Variants in PDE4B observed in about 807,000 individuals in gnomAD.
PDE4B encodes the protein phosphodiesterase 4B.
PDE4B carries 20 observed loss-of-function variants against 82.2 expected under a neutral mutation model. The ratio of observed to expected loss-of-function variants is 0.24; its 90% CI spans 0.17 to 0.35. The LOEUF is 0.35. Ranked by LOEUF, PDE4B falls within the 10% of genes least tolerant of loss-of-function variation. The probability of loss-of-function intolerance (pLI) is 1.00; values close to 1 mark genes in which losing one functional copy is unlikely to be tolerated. For synonymous variants in PDE4B, 320 were observed against 318.9 expected, an observed-to-expected ratio of 1.00 and a Z score of -0.04; for missense variants, 655 against 907.2, an observed-to-expected ratio of 0.72 and a Z score of 3.57.
chr1:66,078,204 T>TC, intron 3 of PDE4B, among the ~76,000 whole-genome samples: 1 of 151,706 alleles, frequency 6.6e-6, no homozygotes, highest in South Asian at 2.1e-4. Context: ...TTTCTTTCTT[T>TC]TTTTTTTTTC....
intron 3 of PDE4B, among the ~76,000 whole-genome samples, chr1:66,064,901 C>T (rs1655767764): frequency 6.6e-6 from 1 of 151,786 alleles, no homozygotes; most frequent in Non-Finnish European, 1.5e-5. Flanking sequence ...TAGTCTTTTC[C>T]CCTAAACTAT....
chr1:66,361,939 T>A, intron 10 of PDE4B, 146 bp downstream of exon 10: 1 of 603,274 alleles, frequency 1.7e-6, no homozygotes, highest in South Asian at 3.1e-5. Flanking sequence ...GACTTTACTG[T>A]GAGCAGTAAG....
chr1:65,954,596 C>T (rs530378601), intron 3 of PDE4B, among the ~76,000 whole-genome samples: 2 of 152,098 alleles, frequency 1.3e-5, no homozygotes, highest in South Asian at 4.1e-4. Flanking sequence ...TTTTCAACAC[C>T]TACAAATCAA....
intron 3 of PDE4B, among the ~76,000 whole-genome samples, chr1:66,176,070 C>T (rs1406016724): frequency 6.6e-6 from 1 of 152,074 alleles, no homozygotes; most frequent in Non-Finnish European, 1.5e-5. Flanking sequence ...TTCAGTAGAC[C>T]TAAAATTGAC....
intron 1 of PDE4B, among the ~76,000 whole-genome samples, chr1:65,858,634 G>A (rs1234886936): frequency 6.6e-6 from 1 of 152,198 alleles, no homozygotes; most frequent in Non-Finnish European, 1.5e-5. Context: ...TAATTTTATA[G>A]TTTTTTCATC....
intron 3 of PDE4B, among the ~76,000 whole-genome samples, chr1:65,946,875 G>A (rs2100560507): frequency 6.6e-6 from 1 of 152,036 alleles, no homozygotes; most frequent in Non-Finnish European, 1.5e-5. Context: ...ACATCAAAGA[G>A]GTCTGCTGAA....
At chr1:66,224,690 T>C (rs1282878189) in intron 3 of PDE4B, among the ~76,000 whole-genome samples, 1 of 152,108 alleles carries the variant, frequency 6.6e-6, no homozygotes, top group African/African-American at 2.4e-5. Context: ...TTGCACTCCA[T>C]CCTGGCAGCA....
intron 3 of PDE4B, among the ~76,000 whole-genome samples, chr1:66,153,339 T>C (rs1646439952): frequency 6.6e-6 from 1 of 152,192 alleles, no homozygotes; most frequent in South Asian, 2.1e-4. Context: ...CTTTCTGGTT[T>C]AAATATCGTC....
intron 3 of PDE4B, among the ~76,000 whole-genome samples, chr1:66,135,141 G>A (rs1646031136): frequency 6.6e-6 from 1 of 152,232 alleles, no homozygotes; most frequent in Admixed American, 6.5e-5. Context: ...GTGTGTATTG[G>A]TGGAAGCAGA....
intron 8 of PDE4B, among the ~76,000 whole-genome samples, chr1:66,351,629 G>A (rs1184538265): frequency 6.6e-6 from 1 of 152,162 alleles, no homozygotes; most frequent in East Asian, 1.9e-4. Flanking sequence ...TGTCCAAACT[G>A]TAGGAGGCAG....
At chr1:65,874,784 C>G (rs1268446184) in intron 1 of PDE4B, among the ~76,000 whole-genome samples, 1 of 151,364 alleles carries the variant, frequency 6.6e-6, no homozygotes, top group Admixed American at 6.6e-5. Context: ...ACACCTTATA[C>G]AAAAATCAAT....
intron 3 of PDE4B, among the ~76,000 whole-genome samples, chr1:66,213,724 A>T (rs934241122): frequency 6.6e-6 from 1 of 152,122 alleles, no homozygotes; most frequent in African/African-American, 2.4e-5. Flanking sequence ...GCTCTTGACC[A>T]TATATTTATT....
At chr1:66,198,973 G>C (rs1021208630) in intron 3 of PDE4B, among the ~76,000 whole-genome samples, 2 of 151,856 alleles carry the variant, frequency 1.3e-5, no homozygotes, top group African/African-American at 4.8e-5. Flanking sequence ...GTATTCCATG[G>C]TGTATATGTG....
Position 66,078,429 on chromosome 1 carries a change from C to T in PDE4B, c.281+159594C>T, listed in dbSNP as rs749767798. On this transcript the variant is annotated intron_variant, in intron 3 of 16. Coordinates refer to ENST00000341517, the MANE Select transcript of PDE4B (RefSeq NM_002600.4). Reference sequence around the variant, plus strand: ...TTCACCATGTTGGCCAGACTGGTCTCGAACTCCTGACCTCAGGCAATCTGC... The same window carrying T: ...TTCACCATGTTGGCCAGACTGGTCTTGAACTCCTGACCTCAGGCAATCTGC... Among the ~76,000 whole-genome samples, 43 of 152,096 alleles carry T rather than the reference C, an allele frequency of 2.8e-4. No individual in the cohort carries two copies. The Middle Eastern group carries it at 0.017, about 60-fold the overall frequency.
intron 3 of PDE4B, among the ~76,000 whole-genome samples, chr1:66,140,120 T>C (rs1256991158): frequency 3.3e-5 from 5 of 152,160 alleles, no homozygotes; most frequent in Non-Finnish European, 7.4e-5. Context: ...CCTTTTTTTT[T>C]CCTTTTGATG....
At chr1:66,167,596 A>T (rs184598221) in intron 3 of PDE4B, among the ~76,000 whole-genome samples, 32 of 152,338 alleles carry the variant, frequency 2.1e-4, no homozygotes, top group Admixed American at 2.0e-3. Context: ...TGGACATTTT[A>T]TAAATGTAAA....
chr1:66,210,016 G>A (rs12045279), intron 3 of PDE4B, among the ~76,000 whole-genome samples: 6,868 of 152,174 alleles, frequency 0.045, 244 homozygotes, highest in East Asian at 0.15. Context: ...CTCATCCACT[G>A]TTGTCCAAAA....
chr1:65,907,726 A>G (rs918249571), intron 1 of PDE4B, among the ~76,000 whole-genome samples: 3 of 152,156 alleles, frequency 2.0e-5, no homozygotes, highest in African/African-American at 7.2e-5. Context: ...AGAATTGCCA[A>G]TTTTTAGTTT....
intron 3 of PDE4B, among the ~76,000 whole-genome samples, chr1:66,195,299 A>G (rs1275273836): frequency 6.6e-6 from 1 of 152,128 alleles, no homozygotes; most frequent in Non-Finnish European, 1.5e-5. Context: ...TCATTTCCCT[A>G]TGTGGGAGAG....
Sources: gnomAD v4.1 joint callset for allele counts (sites outside exome capture counted in the v4.1 genomes callset) on GRCh38, gnomAD v4.1.1 for gene constraint, MANE v1.5 for transcripts, NCBI Gene and HGNC (gene_info 2026-07-23, HGNC 2026-07-21) for gene names.